AVEN: variants seen among roughly 807,000 people sequenced by gnomAD.
AVEN encodes cell death regulator Aven.
A neutral mutation model predicts 38.1 loss-of-function variants in AVEN; 41 were observed. That is an observed-to-expected ratio of 1.08 (90% confidence interval 0.84 to 1.40). The LOEUF is 1.40. AVEN is among the 40% of genes most tolerant of loss of function. AVEN has a pLI of 0.00. For synonymous variants in AVEN, 206 were observed against 171.8 expected, an observed-to-expected ratio of 1.20 and a Z score of -1.56; for missense variants, 605 against 438.8, an observed-to-expected ratio of 1.38 and a Z score of -3.38.
chr15:34,005,911 A>G (rs1403045169), intron 1 of AVEN, among the ~76,000 whole-genome samples: 1 of 152,220 alleles, frequency 6.6e-6, no homozygotes, highest in Non-Finnish European at 1.5e-5. Context: ...AGACTGCCTG[A>G]AAACTAGAGC....
At chr15:34,035,500 G>C (rs1483078028) in intron 1 of AVEN, among the ~76,000 whole-genome samples, 1 of 152,160 alleles carries the variant, frequency 6.6e-6, no homozygotes. Flanking sequence ...AGGCTCTGGA[G>C]TGAAAATGCT....
chr15:33,993,758 G>A (rs768145831), intron 2 of AVEN, among the ~76,000 whole-genome samples: 7 of 152,030 alleles, frequency 4.6e-5, no homozygotes, highest in Non-Finnish European at 8.8e-5. Flanking sequence ...CCCCACTAGA[G>A]GTGACCGCAA....
intron 2 of AVEN, among the ~76,000 whole-genome samples, chr15:33,896,764 T>C (rs1455290605): frequency 6.6e-6 from 1 of 152,216 alleles, no homozygotes; most frequent in East Asian, 1.9e-4. Context: ...CTAGGAAGCC[T>C]TTTAAGATCC....
intron 1 of AVEN, among the ~76,000 whole-genome samples, chr15:34,020,060 C>T (rs1266011432): frequency 6.6e-6 from 1 of 152,116 alleles, no homozygotes; most frequent in African/African-American, 2.4e-5. Context: ...ACCTGTAATC[C>T]CAGCACTTTG....
intron 2 of AVEN, among the ~76,000 whole-genome samples, chr15:33,940,760 T>G (rs939943977): frequency 6.6e-6 from 1 of 152,136 alleles, no homozygotes; most frequent in African/African-American, 2.4e-5. Flanking sequence ...CAGGCTGGTC[T>G]CAAACTCTTG....
chr15:33,979,551 T>C (rs1276306017), intron 2 of AVEN, among the ~76,000 whole-genome samples: 1 of 152,184 alleles, frequency 6.6e-6, no homozygotes, highest in East Asian at 1.9e-4. Context: ...ATCTGAGCAA[T>C]TCATCTCCCA....
At chr15:33,983,207 TATATATACATATATATACACACAC>T (rs1567447735) in intron 2 of AVEN, among the ~76,000 whole-genome samples, 12 of 16,200 alleles carry the variant, frequency 7.4e-4, no homozygotes, top group South Asian at 3.1e-3. Flanking sequence ...TGTGTATATA[TATATATACATATATATACACACAC>T]ATACACACAC....
chr15:33,855,420 T>C (rs936907007), downstream of AVEN, among the ~76,000 whole-genome samples: 13 of 152,198 alleles, frequency 8.5e-5, no homozygotes, highest in Non-Finnish European at 1.6e-4. Context: ...GCCAGGCTGG[T>C]CTCAAACGCC....
At chr15:34,032,017 G>GCACACACA in intron 1 of AVEN, among the ~76,000 whole-genome samples, 1 of 84,962 alleles carries the variant, frequency 1.2e-5, no homozygotes, top group South Asian at 5.7e-4. Flanking sequence ...ACATACGCGC[G>GCACACACA]CACACGCACA....
chr15:33,852,341 C>G, the AVEN span: 1 of 152,058 alleles, frequency 6.6e-6, no homozygotes, highest in Admixed American at 6.6e-5. Context: ...TCTTTCTTAA[C>G]TTTAACAGTA....
rs766300982 is a variant in AVEN at position 33,870,994 on chromosome 15, G to T, written c.553C>A (p.Arg185=). ...AFYVDSELLV[R]ALQELPLCLR... is the part of the protein sequence containing the mutation. ...CAGAGAGGCAGCTCTTGAAGGGCTC[G>T]AACCAATAACTCACTATCCACATAA... Residue 185 remains arginine, a synonymous_variant, in exon 4 of 6, where the codon CGA becomes AGA. Transcript: ENST00000306730. 6.2e-7 allele frequency: 1 copy of T among 1,608,936 alleles called. No homozygotes were observed. Among genetic ancestry groups the T allele is most frequent in the South Asian group, 1.1e-5 (1 of 90,298 alleles).
At chr15:34,072,870 C>T (rs1900656500) in intron 1 of AVEN, among the ~76,000 whole-genome samples, 1 of 151,750 alleles carries the variant, frequency 6.6e-6, no homozygotes, top group South Asian at 2.1e-4. Context: ...ACGATGGTCT[C>T]GATCTCCTGA....
At chr15:33,892,077 GT>G (rs1203940200) in intron 2 of AVEN, among the ~76,000 whole-genome samples, 9 of 152,104 alleles carry the variant, frequency 5.9e-5, no homozygotes, top group Non-Finnish European at 1.0e-4. Flanking sequence ...TGATGGGGTT[GT>G]TTTTTTCTTG....
intron 2 of AVEN, among the ~76,000 whole-genome samples, chr15:33,933,688 G>A (rs1290694413): frequency 6.6e-6 from 1 of 152,246 alleles, no homozygotes; most frequent in Non-Finnish European, 1.5e-5. Flanking sequence ...GCCGGGTGCA[G>A]TGGCACATGC....
Position 33,867,628 on chromosome 15 carries a change from G to C in AVEN, c.840C>G (p.Asp280Glu), listed in dbSNP as rs373027648. Residue 280 changes from aspartate to glutamate, a missense_variant, in exon 5 of 6, where the codon GAC becomes GAG. Physicochemically the swap from Asp to Glu is conservative, Grantham distance 45. Transcript: ENST00000306730. ...ACAGATCTAGTTCTTCTTCCAAATG[G>C]TCTCCTGCTGACTGCAGTGGGGAAG... Reference protein sequence around the residue: ...KPTSPLQSAGDHLEEELDLLL... With the variant: ...KPTSPLQSAGEHLEEELDLLL... 1.5e-5 allele frequency: 24 copies of C among 1,613,990 alleles called. No homozygotes were observed. Among genetic ancestry groups the C allele is most frequent in the Non-Finnish European group, 1.7e-6 (2 of 1,180,032 alleles).
intron 1 of AVEN, among the ~76,000 whole-genome samples, chr15:34,072,402 G>A (rs1052271094): frequency 6.6e-6 from 1 of 151,968 alleles, no homozygotes; most frequent in Non-Finnish European, 1.5e-5. Flanking sequence ...CACGAGGTCA[G>A]GAGTTCGAGA....
intron 2 of AVEN, among the ~76,000 whole-genome samples, chr15:33,916,099 C>A (rs1034826206): frequency 1.3e-5 from 2 of 152,140 alleles, no homozygotes; most frequent in Non-Finnish European, 2.9e-5. Context: ...GCCCTCGTAG[C>A]CCAAGACAAA....
intron 1 of AVEN, among the ~76,000 whole-genome samples, chr15:34,027,587 G>A (rs918302545): frequency 6.6e-6 from 1 of 150,644 alleles, no homozygotes; most frequent in African/African-American, 2.4e-5. Flanking sequence ...GTGAAAACCA[G>A]CATCCTTGGA....
At chr15:33,902,986 T>C (rs968775269) in intron 2 of AVEN, among the ~76,000 whole-genome samples, 2 of 152,196 alleles carry the variant, frequency 1.3e-5, no homozygotes, top group African/African-American at 4.8e-5. Flanking sequence ...TGTCATTCTT[T>C]TGGCCGCCAG....
Sources: gnomAD v4.1 joint callset for allele counts (sites outside exome capture counted in the v4.1 genomes callset) on GRCh38, gnomAD v4.1.1 for gene constraint, MANE v1.5 for transcripts, NCBI Gene and HGNC (gene_info 2026-07-23, HGNC 2026-07-21) for gene names.